The following ATP7A variants were observed in gnomAD, a reference collection of about 807,000 sequenced individuals.
The protein encoded by ATP7A is copper-transporting ATPase 1.
Under a neutral mutation model 83.5 loss-of-function variants are expected in ATP7A, and 7 were observed. That is an observed-to-expected ratio of 0.08 (90% CI 0.05 to 0.16). ATP7A has a LOEUF of 0.16. ATP7A is among the 10% of genes least tolerant of loss of function. The pLI is 1.00. For synonymous variants in ATP7A, 354 were observed against 395.2 expected, an observed-to-expected ratio of 0.90 and a Z score of 1.24; for missense variants, 940 against 1,120.8, an observed-to-expected ratio of 0.84 and a Z score of 2.30.
chrX:77,961,109 C>A (rs2077472034), intron 1 of ATP7A, among the ~76,000 whole-genome samples: 1 of 111,290 alleles, frequency 9.0e-6, no homozygotes, highest in Non-Finnish European at 1.9e-5. Context: ...AAAAACAATG[C>A]AGGTGAATTA....
At chrX:78,043,839 G>C (rs1484227637) in intron 21 of ATP7A, among the ~76,000 whole-genome samples, 2 of 105,053 alleles carry the variant, frequency 1.9e-5, no homozygotes, top group Non-Finnish European at 3.9e-5. Flanking sequence ...TGTATTTTTA[G>C]TATAGACGGG....
intron 16 of ATP7A, among the ~76,000 whole-genome samples, chrX:78,032,401 A>G (rs1304249901): frequency 8.9e-6 from 1 of 112,028 alleles, no homozygotes; most frequent in Non-Finnish European, 1.9e-5. Flanking sequence ...TACCCATATG[A>G]TGAATATTAC....
chrX:77,979,747 A>C (rs1179410975), intron 2 of ATP7A, among the ~76,000 whole-genome samples: 1 of 112,771 alleles, frequency 8.9e-6, no homozygotes, highest in African/African-American at 3.2e-5. Flanking sequence ...TAATTAACAG[A>C]ATTCAAAAAG....
intron 1 of ATP7A, among the ~76,000 whole-genome samples, chrX:77,940,261 T>TC (rs781933297): frequency 9.1e-6 from 1 of 110,290 alleles, no homozygotes; most frequent in East Asian, 2.8e-4. Flanking sequence ...AATTTCTTCA[T>TC]CCCCCCTCCA....
At chrX:78,011,315 C>A in intron 8 of ATP7A, 63 bp downstream of exon 8, 1 of 1,103,438 alleles carries the variant, frequency 9.1e-7, no homozygotes, top group Non-Finnish European at 1.3e-6. Flanking sequence ...TTTTTTTTTG[C>A]ATGTCAGTTT....
Position 78,029,257 on chromosome X carries a change from A to G in ATP7A, c.2924A>G (p.Asn975Ser), listed in dbSNP as rs1557236698. Residue 975 changes from asparagine (N) to serine (S), a missense_variant, in exon 15 of 23, where the codon AAT (asparagine) becomes AGT (serine). This residue lies in a region of ATP7A where 386 missense variants were observed against 502.2 expected (regional missense o/e 0.77). Coordinates refer to ENST00000341514, the MANE Select transcript of ATP7A (RefSeq NM_000052.7). ...EIVETYFPGY[N>S]RSISRTETII... ...TATGCCTTTCTTCTAAAGGGCTACA[A>G]TAGAAGTATCTCCCGAACAGAAACG... The G allele has an allele frequency of 2.5e-6, 3 of 1,211,057 alleles. No homozygotes were observed. The highest frequency in any genetic ancestry group is 2.2e-5 in the Admixed American group (1 of 46,072).
chrX:77,998,942 C>T (rs1320759294), intron 5 of ATP7A, among the ~76,000 whole-genome samples: 1 of 109,781 alleles, frequency 9.1e-6, no homozygotes, highest in Non-Finnish European at 1.9e-5. Context: ...AAGAAATACA[C>T]GAGATTACTA....
chrX:78,020,450 A>T (rs782473420), intron 13 of ATP7A, 52 bp downstream of exon 13: 10 of 1,165,947 alleles, frequency 8.6e-6, no homozygotes, highest in Non-Finnish European at 1.1e-5. Context: ...AAGCCTTCTC[A>T]GTATAAATCT....
At chrX:77,925,167 G>C (rs1569548769) in intron 1 of ATP7A, among the ~76,000 whole-genome samples, 1 of 111,566 alleles carries the variant, frequency 9.0e-6, no homozygotes, top group Non-Finnish European at 1.9e-5. Flanking sequence ...AAAAGTCTAA[G>C]TATTCTGAAA....
intron 11 of ATP7A, among the ~76,000 whole-genome samples, chrX:78,015,068 A>G (rs782212058): frequency 8.9e-6 from 1 of 112,540 alleles, no homozygotes; most frequent in African/African-American, 3.2e-5. Context: ...AATGTCACCT[A>G]AGACCCAATT....
At chrX:77,914,276 G>A (rs1488016427) in intron 1 of ATP7A, among the ~76,000 whole-genome samples, 2 of 110,370 alleles carry the variant, frequency 1.8e-5, no homozygotes, top group Non-Finnish European at 1.9e-5. Flanking sequence ...TAAGAGATGG[G>A]GTCTTGCTCT....
intron 4 of ATP7A, among the ~76,000 whole-genome samples, chrX:77,995,590 AG>A (rs2077698748): frequency 1.0e-5 from 1 of 98,322 alleles, no homozygotes; most frequent in African/African-American, 3.8e-5. Flanking sequence ...AAAAAAAAAG[AG>A]GTAGTGAGAA....
At chrX:78,007,776 T>C (rs1185806124) in intron 6 of ATP7A, among the ~76,000 whole-genome samples, 2 of 112,094 alleles carry the variant, frequency 1.8e-5, no homozygotes, top group African/African-American at 6.5e-5. Context: ...CGGTGTTGTT[T>C]AGAGCACAGA....
chrX:77,933,152 C>T (rs187361372), intron 1 of ATP7A, among the ~76,000 whole-genome samples: 448 of 111,933 alleles, frequency 4.0e-3, no homozygotes, highest in Middle Eastern at 9.1e-3. Flanking sequence ...TTGTTGAATT[C>T]TCGAAACAAC....
At chrX:77,946,365 C>T (rs781889173) in intron 1 of ATP7A, among the ~76,000 whole-genome samples, 1 of 109,837 alleles carries the variant, frequency 9.1e-6, no homozygotes, top group South Asian at 3.9e-4. Context: ...ATATGATGAG[C>T]CAAGAACATC....
intron 1 of ATP7A, among the ~76,000 whole-genome samples, chrX:77,950,704 A>T: frequency 9.0e-6 from 1 of 111,439 alleles, no homozygotes; most frequent in East Asian, 2.8e-4. Flanking sequence ...TTTGAGATAT[A>T]ATTTAACATA....
chrX:77,933,777 A>G lies in ATP7A; in HGVS notation c.-22+22942A>G, dbSNP rs1284460905. ...TGGACAATCTGTGATCGACCTAACC[A>G]TTGTTCCTGACTCTGAATTTATATG... On this transcript the variant is annotated intron_variant, in intron 1 of 22. Transcript: ENST00000341514. Among the ~76,000 whole-genome samples the G allele has an allele frequency of 1.8e-5, 2 of 112,353 alleles. 1 individual carries two copies. Among genetic ancestry groups the G allele is most frequent in the Non-Finnish European group, 3.8e-5 (2 of 53,305 alleles).
chrX:77,961,635 A>C (rs1376507979), intron 1 of ATP7A, among the ~76,000 whole-genome samples: 1 of 111,403 alleles, frequency 9.0e-6, no homozygotes, highest in African/African-American at 3.3e-5. Context: ...TCCTTAGATA[A>C]AATTTTGATA....
In ATP7A at chrX:77,998,589, A is replaced by G. The variant is rs781834607; in HGVS notation, c.1448A>G (p.Glu483Gly). Residue 483 changes from glutamate (E) to glycine (G), a missense_variant, in exon 5 of 23, where the codon GAA becomes GGA. Glu to Gly is a moderately conservative substitution (Grantham distance 98). This residue lies in a region of ATP7A where 350 missense variants were observed against 432.8 expected (regional missense o/e 0.81). Coordinates refer to ENST00000341514, the MANE Select transcript of ATP7A (RefSeq NM_000052.7). ...ATGACACCAGTTCAAGACAAGGAGG[A>G]AGGAAAGAATTCATCTAAGTGTTAC... is the stretch of plus-strand genomic sequence containing the variant. ...KGMTPVQDKE[E>G]GKNSSKCYIQ... The G allele has an allele frequency of 8.3e-7, 1 of 1,211,883 alleles. No individual in the cohort carries two copies. Among genetic ancestry groups the G allele is most frequent in the Non-Finnish European group, 1.1e-6 (1 of 895,477 alleles).
Sources: allele counts gnomAD v4.1 joint callset (sites outside exome capture counted in the v4.1 genomes callset), GRCh38; gene constraint gnomAD v4.1.1; regional missense constraint gnomAD v4.1.1; transcripts MANE v1.5; gene names NCBI Gene and HGNC (gene_info 2026-07-23, HGNC 2026-07-21).